ZNF287: variants seen among roughly 807,000 people sequenced by gnomAD.
The protein encoded by ZNF287 is zinc finger protein with KRAB and SCAN domains 13.
A neutral mutation model predicts 73.7 loss-of-function variants in ZNF287; 31 were observed. The observed-to-expected ratio is 0.42, with a 90% confidence interval of 0.32 to 0.57. The LOEUF (loss-of-function observed/expected upper bound fraction) is 0.57, where lower values mean the gene tolerates loss of function less well. Among genes scored for constraint, ZNF287 ranks in the 20% least tolerant of loss-of-function variants. ZNF287 has a pLI of 0.13. For synonymous variants in ZNF287, 301 were observed against 307.2 expected, an observed-to-expected ratio of 0.98 and a Z score of 0.21; for missense variants, 641 against 909.3, an observed-to-expected ratio of 0.70 and a Z score of 3.79.
rs372793059 is a variant in ZNF287 at position 16,568,018 on chromosome 17, A to G, written c.-198-89T>C. ...ACACAGAAACAGACTCGCAGTGTGC[A>G]TAGATGAACACACATAAGCTTTACC... is the stretch of plus-strand genomic sequence containing the variant. On this transcript the variant is annotated intron_variant, in intron 1 of 5. Transcript: ENST00000395825. 2.6e-6 allele frequency: 3 copies of G among 1,150,026 alleles called. No homozygotes were observed. The East Asian group carries it at 1.3e-4, about 50-fold the overall frequency. The allele number at this position is 1,150,026 out of a possible 1,614,324, so 71.2% of individuals were successfully genotyped here.
intron 5 of ZNF287, among the ~76,000 whole-genome samples, chr17:16,562,710 TAAAA>T (rs1016585606): frequency 5.9e-5 from 9 of 151,856 alleles, no homozygotes; most frequent in East Asian, 1.9e-4. Flanking sequence ...AATTAGAAAA[TAAAA>T]AAGAAAGGGA....
intron 5 of ZNF287, among the ~76,000 whole-genome samples, chr17:16,557,287 G>T (rs940640738): frequency 6.6e-6 from 1 of 152,280 alleles, no homozygotes; most frequent in Admixed American, 6.5e-5. Flanking sequence ...ACAAACAGTG[G>T]TATAATATTT....
chr17:16,566,923 G>C (rs1258974817), intron 2 of ZNF287, among the ~76,000 whole-genome samples: 2 of 152,124 alleles, frequency 1.3e-5, no homozygotes, highest in East Asian at 1.9e-4. Flanking sequence ...ATGTTCTCTA[G>C]ACCCTTTCTT....
At chr17:16,565,714 C>T (rs117623692) in intron 3 of ZNF287, among the ~76,000 whole-genome samples, 4,435 of 152,190 alleles carry the variant, frequency 0.029, 92 homozygotes, top group Middle Eastern at 0.034. Flanking sequence ...TGGCCGGGCG[C>T]GGTGGCTCAC....
Position 16,551,734 on chromosome 17 carries a change from C to T in ZNF287, c.*122G>A. The stretch of plus-strand genomic sequence containing the variant: ...TATATCCATACCACTACTTCTGATA[C>T]TTCTGCTGAGTATCTAACATATTGC... On this transcript the variant is annotated 3_prime_UTR_variant, in exon 6 of 6. Transcript: ENST00000395825. 1 of 1,064,864 alleles carries T rather than the reference C, an allele frequency of 9.4e-7. No homozygotes were observed. Among genetic ancestry groups the T allele is most frequent in the South Asian group, 1.7e-5 (1 of 60,380 alleles). 66.0% of individuals were successfully genotyped at this position (1,064,864 alleles called of 1,614,324 possible).
rs1250185558 is a variant in ZNF287, at chr17:16,548,143, G to C, written c.*3713C>G. Among the ~76,000 whole-genome samples, 1 of 152,136 alleles carries C rather than the reference G, an allele frequency of 6.6e-6. No individual in the cohort carries two copies. Among genetic ancestry groups the C allele is most frequent in the Non-Finnish European group, 1.5e-5 (1 of 68,032 alleles). Reference sequence around the variant, plus strand: ...ATGGATTCAGGCAACGATCACCGTTGGTTACTTTTTACCAGGTAAAAAGTT... The same window carrying C: ...ATGGATTCAGGCAACGATCACCGTTCGTTACTTTTTACCAGGTAAAAAGTT... On this transcript the variant is annotated 3_prime_UTR_variant, in exon 6 of 6. Coordinates refer to ENST00000395825, the MANE Select transcript of ZNF287 (RefSeq NM_020653.4).
At chr17:16,560,541 A>C (rs1167062124) in intron 5 of ZNF287, among the ~76,000 whole-genome samples, 2 of 148,682 alleles carry the variant, frequency 1.3e-5, no homozygotes, top group East Asian at 4.2e-4. Flanking sequence ...GTAGAGACAG[A>C]GTTTCACTGT....
At chr17:16,563,971 C>G (rs1285999266) in intron 3 of ZNF287, 146 bp from the exon 4 acceptor site, 4 of 843,642 alleles carry the variant, frequency 4.7e-6, no homozygotes, top group Non-Finnish European at 3.5e-6. Flanking sequence ...AAACCCTCCC[C>G]TGACATATGG....
intron 2 of ZNF287, among the ~76,000 whole-genome samples, 171 bp from the exon 3 acceptor site, chr17:16,566,793 C>T (rs1271086831): frequency 6.6e-6 from 1 of 152,178 alleles, no homozygotes; most frequent in Non-Finnish European, 1.5e-5. Context: ...TGTCCTAAGA[C>T]ATCAAAACAG....
intron 5 of ZNF287, among the ~76,000 whole-genome samples, chr17:16,561,753 A>T (rs1450536109): frequency 1.3e-5 from 2 of 152,206 alleles, no homozygotes; most frequent in Non-Finnish European, 2.9e-5. Context: ...GCTGGGCAAC[A>T]TTTCTCTGTT....
At position 16,553,193 on chromosome 17, in the gene ZNF287, A is replaced by G. The variant is rs771782933; in HGVS notation, c.949T>C (p.Tyr317His). The G allele has an allele frequency of 6.2e-7, 1 of 1,600,100 alleles. No homozygotes were observed. Among genetic ancestry groups the G allele is most frequent in the East Asian group, 2.2e-5 (1 of 44,808 alleles). Residue 317 changes from tyrosine (Y) to histidine (H), a missense_variant, in exon 6 of 6, where the codon TAT becomes CAT. Physicochemically the swap from Tyr to His is moderately conservative, Grantham distance 83 (BLOSUM62 2). Coordinates refer to ENST00000395825, the MANE Select transcript of ZNF287 (RefSeq NM_020653.4). ...TEECLSKYDI[Y>H]RNNFEKHSNL... ...GAATGCTTTTCAAAATTATTTCTAT[A>G]TATATCATATTTACTAAGACATTCT...
intron 1 of ZNF287, 72 bp from the exon 2 acceptor site, chr17:16,568,001 ACAGACTCG>A: frequency 2.4e-6 from 3 of 1,243,186 alleles, no homozygotes; most frequent in Non-Finnish European, 3.0e-6. Flanking sequence ...ACACACAGAA[ACAGACTCG>A]CAGTGTGCAT....
rs1906311776 is a variant in ZNF287, at chr17:16,547,143, G to A, written c.*4713C>T. 6.6e-6 allele frequency among the ~76,000 whole-genome samples: 1 copy of A among 152,142 alleles called. No individual in the cohort carries two copies. The highest frequency in any genetic ancestry group is 2.4e-5 in the African/African-American group (1 of 41,428). On this transcript the variant is annotated 3_prime_UTR_variant, in exon 6 of 6. Transcript: ENST00000395825. ...TTAAAGTTTTAGAGACCAAATAAAG[G>A]TTTAGTAAGAAAAACTAGTACTTAG...
chr17:16,567,356 C>T lies in ZNF287; in HGVS notation c.376G>A (p.Asp126Asn). ...SSEEAVTLVE[D>N]LTQILEEEAP... The stretch of plus-strand genomic sequence containing the variant: ...TCCTCTTCTAGAATCTGAGTCAAAT[C>T]CTCCACCAGAGTCACTGCTTCCTCG... Residue 126 changes from aspartate to asparagine, a missense_variant, in exon 2 of 6, where the codon GAT (aspartate) becomes AAT (asparagine). Physicochemically the swap from Asp to Asn is conservative, Grantham distance 23 (BLOSUM62 1). Around this residue, in one of 2 missense-constraint regions of ZNF287, gnomAD observed 357 missense variants for 442.4 expected, o/e 0.81. Coordinates refer to ENST00000395825, the MANE Select transcript of ZNF287 (RefSeq NM_020653.4). 1 of 1,613,720 alleles carries T rather than the reference C, an allele frequency of 6.2e-7. No homozygotes were observed.
At chr17:16,554,480 T>G (rs1906910356) in intron 5 of ZNF287, among the ~76,000 whole-genome samples, 1 of 152,216 alleles carries the variant, frequency 6.6e-6, no homozygotes, top group Non-Finnish European at 1.5e-5. Flanking sequence ...GGCCTAAAGT[T>G]ATCCACTACT....
rs1245833764 is a variant in ZNF287 at position 16,551,912 on chromosome 17, T to C, written c.2230A>G (p.Ser744Gly). The change falls in exon 6 of 6, where the codon AGT (serine) becomes GGT (glycine). Residue 744 changes from serine to glycine, a missense_variant. This residue lies in a region of ZNF287 where 284 missense variants were observed against 466.8 expected (regional missense o/e 0.61). Coordinates refer to ENST00000395825, the MANE Select transcript of ZNF287 (RefSeq NM_020653.4). ...CRICGKTFTQSTNLIQHQRVH... is the reference protein window; with the variant it reads ...CRICGKTFTQGTNLIQHQRVH... ...CGTTGATGCTGAATAAGGTTTGTAC[T>C]CTGGGTGAAGGTTTTACCACATATA... 6.2e-7 allele frequency: 1 copy of C among 1,613,764 alleles called. No homozygotes were observed. The highest frequency in any genetic ancestry group is 2.2e-5 in the East Asian group (1 of 44,864).
Position 16,547,009 on chromosome 17 carries a change from T to A in ZNF287, c.*4847A>T, listed in dbSNP as rs146842045. On this transcript the variant is annotated 3_prime_UTR_variant, in exon 6 of 6. Transcript: ENST00000395825. ...TTATAGTGTTCTAAGGGGCTAATAA[T>A]TATGAAAGATAGAGCCATGGGGAGA... 2.3e-3 allele frequency among the ~76,000 whole-genome samples: 356 copies of A among 152,306 alleles called. 2 individuals are homozygous for A. The highest frequency in any genetic ancestry group is 8.3e-3 in the African/African-American group (344 of 41,558).
intron 3 of ZNF287, among the ~76,000 whole-genome samples, chr17:16,565,474 T>C (rs1907691149): frequency 6.6e-6 from 1 of 151,792 alleles, no homozygotes; most frequent in African/African-American, 2.4e-5. Context: ...GATTGATTTT[T>C]GCATGTCATT....
At position 16,548,339 on chromosome 17, in the gene ZNF287, CTG is replaced by C. The variant is rs1304744289; in HGVS notation, c.*3515_*3516del. ...TGATATGATGCACTATGAAATACATCTGTGAGGTGTTATCATTAAAAATGTTT... is the reference window on the plus strand; with the variant it reads ...TGATATGATGCACTATGAAATACATCTGAGGTGTTATCATTAAAAATGTTT... On this transcript the variant is annotated 3_prime_UTR_variant, in exon 6 of 6. Coordinates refer to ENST00000395825, the MANE Select transcript of ZNF287 (RefSeq NM_020653.4). Among the ~76,000 whole-genome samples the C allele has an allele frequency of 1.3e-5, 2 of 152,132 alleles. No homozygotes were observed. Among genetic ancestry groups the C allele is most frequent in the African/African-American group, 4.8e-5 (2 of 41,418 alleles).
Sources: gnomAD v4.1 joint callset for allele counts (sites outside exome capture counted in the v4.1 genomes callset) on GRCh38, gnomAD v4.1.1 for gene constraint, gnomAD v4.1.1 regional missense constraint, MANE v1.5 for transcripts, NCBI Gene and HGNC (gene_info 2026-07-23, HGNC 2026-07-21) for gene names.